BCKDHB: variants seen among roughly 807,000 people sequenced by gnomAD.
BCKDHB encodes the protein branched chain keto acid dehydrogenase E1 subunit beta.
BCKDHB carries 41 observed loss-of-function variants against 48.5 expected under a neutral mutation model. The ratio of observed to expected loss-of-function variants is 0.85; its 90% CI spans 0.66 to 1.10. The LOEUF is 1.10. BCKDHB is among the 50% of genes least tolerant of loss of function. BCKDHB has a pLI of 0.00. For missense variants in BCKDHB, 496 were observed against 494.2 expected (o/e 1.00, Z -0.03); for synonymous variants, 201 against 174.8 (o/e 1.15, Z -1.18).
chr6:80,348,861 A>G (rs187132795), downstream of BCKDHB, among the ~76,000 whole-genome samples: 188 of 152,332 alleles, frequency 1.2e-3, 1 homozygote, highest in South Asian at 0.017. Flanking sequence ...AAATATTCAT[A>G]TATGGTTAAA....
chr6:80,239,485 G>GGGC, intron 8 of BCKDHB, among the ~76,000 whole-genome samples: 1 of 152,026 alleles, frequency 6.6e-6, no homozygotes, highest in South Asian at 2.1e-4. Flanking sequence ...TAAGTTCTTT[G>GGGC]TAGATTCTGG....
intron 6 of BCKDHB, among the ~76,000 whole-genome samples, chr6:80,183,553 A>G (rs1773509701): frequency 6.6e-6 from 1 of 152,126 alleles, no homozygotes; most frequent in Non-Finnish European, 1.5e-5. Context: ...CAACATCCCC[A>G]TCAGAGTTGT....
chr6:80,401,137 A>G, the BCKDHB span, among the ~76,000 whole-genome samples: 4 of 147,086 alleles, frequency 2.7e-5, no homozygotes, highest in Non-Finnish European at 5.9e-5. Flanking sequence ...CTGGATGACA[A>G]AATACCCTGT....
the BCKDHB span, among the ~76,000 whole-genome samples, chr6:80,361,612 T>C: frequency 2.0e-4 from 30 of 152,196 alleles, no homozygotes; most frequent in Admixed American, 1.6e-3. Context: ...GCTCTTACTA[T>C]GATCAAATAG....
chr6:80,200,255 C>T (rs73479980), intron 6 of BCKDHB, among the ~76,000 whole-genome samples: 16,276 of 151,952 alleles, frequency 0.11, 1,467 homozygotes, highest in South Asian at 0.24. Context: ...CCAGTGGCTT[C>T]CTTTTGGCTT....
At chr6:80,302,878 T>C (rs1767659025) in intron 9 of BCKDHB, among the ~76,000 whole-genome samples, 1 of 152,132 alleles carries the variant, frequency 6.6e-6, no homozygotes, top group Non-Finnish European at 1.5e-5. Flanking sequence ...CATTGCAATA[T>C]GAACATATGG....
At chr6:80,179,373 A>G (rs1186433782) in intron 6 of BCKDHB, among the ~76,000 whole-genome samples, 1 of 152,228 alleles carries the variant, frequency 6.6e-6, no homozygotes, top group Non-Finnish European at 1.5e-5. Context: ...ATTTGAAAAA[A>G]TAATTACACT....
At chr6:80,278,726 T>C (rs1206736411) in intron 9 of BCKDHB, among the ~76,000 whole-genome samples, 1 of 152,122 alleles carries the variant, frequency 6.6e-6, no homozygotes, top group Non-Finnish European at 1.5e-5. Flanking sequence ...GCCCAGCTAA[T>C]GTTTGTATTT....
At chr6:80,212,731 G>A (rs1187831808) in intron 8 of BCKDHB, among the ~76,000 whole-genome samples, 1 of 152,184 alleles carries the variant, frequency 6.6e-6, no homozygotes, top group Admixed American at 6.5e-5. Context: ...CACAATTTAT[G>A]TTCCTGTGCC....
At chr6:80,114,273 G>C (rs1021425165) in intron 1 of BCKDHB, among the ~76,000 whole-genome samples, 6 of 151,234 alleles carry the variant, frequency 4.0e-5, no homozygotes, top group Admixed American at 2.0e-4. Flanking sequence ...ATTAAATACA[G>C]GGTCTCACTC....
chr6:80,429,920 A>T, the BCKDHB span, among the ~76,000 whole-genome samples: 2 of 152,192 alleles, frequency 1.3e-5, no homozygotes, highest in East Asian at 3.8e-4. Flanking sequence ...GATTGTTGAG[A>T]GAGGGCATCC....
chr6:80,397,261 T>A, the BCKDHB span, among the ~76,000 whole-genome samples: 1 of 152,182 alleles, frequency 6.6e-6, no homozygotes, highest in Admixed American at 6.5e-5. Context: ...TGGAGGCTTT[T>A]ATAGTTTCTC....
chr6:80,138,682 C>T (rs1274704340), intron 3 of BCKDHB, among the ~76,000 whole-genome samples: 1 of 152,136 alleles, frequency 6.6e-6, no homozygotes, highest in Non-Finnish European at 1.5e-5. Flanking sequence ...TTTTCTTAAT[C>T]CAGTCTATCA....
At position 80,338,393 on chromosome 6, in the gene BCKDHB, G is replaced by A. The variant is rs2179840; in HGVS notation, c.1039-5271G>A. Among the ~76,000 whole-genome samples the A allele has an allele frequency of 4.6e-4, 70 of 151,794 alleles. 1 individual carries two copies. The highest frequency in any genetic ancestry group is 1.6e-3 in the African/African-American group (67 of 41,364). On this transcript the variant is annotated intron_variant, in intron 9 of 9. Coordinates refer to ENST00000320393, the MANE Select transcript of BCKDHB (RefSeq NM_183050.4). ...GTGCGCGGAGGGATTTCCAGCCCCC[G>A]ACCCCGGAACCAGCAATTAGCGTTT... is the stretch of plus-strand genomic sequence containing the variant.
At chr6:80,400,045 T>A in the BCKDHB span, among the ~76,000 whole-genome samples, 42 of 152,176 alleles carry the variant, frequency 2.8e-4, no homozygotes, top group African/African-American at 9.9e-4. Flanking sequence ...AGATTGAAAC[T>A]GTACTCCTTC....
At chr6:80,300,724 G>T (rs912521456) in intron 9 of BCKDHB, among the ~76,000 whole-genome samples, 21 of 152,100 alleles carry the variant, frequency 1.4e-4, no homozygotes, top group Non-Finnish European at 2.6e-4. Context: ...GTGCATGTGG[G>T]ACATAGATTC....
In BCKDHB at chr6:80,343,908, C is replaced by T; in HGVS notation, c.*104C>T. 6.8e-7 allele frequency: 1 copy of T among 1,460,986 alleles called. No homozygotes were observed. Among genetic ancestry groups the T allele is most frequent in the East Asian group, 2.3e-5 (1 of 43,908 alleles). The allele number at this position is 1,460,986 out of a possible 1,614,324, so 90.5% of individuals were successfully genotyped here. A position where few individuals can be genotyped will look rare whatever the true frequency, so the allele number is the denominator to read the frequency against. ...TCATCAGTGTTTTGATGGTAACAAA[C>T]TTTGATGGTAAAGTTGGTAAAAGGC... On this transcript the variant is annotated 3_prime_UTR_variant, in exon 10 of 10. Coordinates refer to ENST00000320393, the MANE Select transcript of BCKDHB (RefSeq NM_183050.4).
chr6:80,391,611 G>T, the BCKDHB span, among the ~76,000 whole-genome samples: 1 of 152,128 alleles, frequency 6.6e-6, no homozygotes, highest in Admixed American at 6.6e-5. Flanking sequence ...TGGACTTATG[G>T]TCCCTTTAAC....
At chr6:80,169,384 G>T (rs1015289732) in intron 5 of BCKDHB, among the ~76,000 whole-genome samples, 1 of 152,094 alleles carries the variant, frequency 6.6e-6, no homozygotes, top group South Asian at 2.1e-4. Context: ...TGATGATGGG[G>T]TGATTTTAAT....
Sources: allele counts gnomAD v4.1 joint callset (sites outside exome capture counted in the v4.1 genomes callset), GRCh38; gene constraint gnomAD v4.1.1; transcripts MANE v1.5; gene names NCBI Gene and HGNC (gene_info 2026-07-23, HGNC 2026-07-21).